Variants in BCAR3 observed in about 807,000 individuals in gnomAD.
The protein encoded by BCAR3 is breast cancer anti-estrogen resistance protein 3.
BCAR3 carries 37 observed loss-of-function variants against 80.1 expected under a neutral mutation model. The ratio of observed to expected loss-of-function variants is 0.46; its 90% CI spans 0.36 to 0.61. The LOEUF is 0.61. Among genes scored for constraint, BCAR3 ranks in the 20% least tolerant of loss-of-function variants. The pLI is 0.00. For missense variants in BCAR3, 978 were observed against 1,068.2 expected, an observed-to-expected ratio of 0.92 and a Z score of 1.18; for synonymous variants, 389 against 418.9, an observed-to-expected ratio of 0.93 and a Z score of 0.87.
chr1:93,607,990 C>T (rs116512492), intron 3 of BCAR3, among the ~76,000 whole-genome samples: 1,949 of 152,254 alleles, frequency 0.013, 27 homozygotes, highest in Non-Finnish European at 0.019. Flanking sequence ...TGGGGAAGGG[C>T]GATGAATCAA....
intron 3 of BCAR3, among the ~76,000 whole-genome samples, chr1:93,627,810 T>C (rs911797401): frequency 2.0e-5 from 3 of 152,174 alleles, no homozygotes; most frequent in African/African-American, 4.8e-5. Flanking sequence ...TAAAAAGTCT[T>C]GAGACAAATG....
chr1:93,582,507 T>C lies in BCAR3; in HGVS notation c.1480A>G (p.Met494Val), dbSNP rs778488596. The part of the protein sequence containing the change: ...ERPWEPAAAQ[M>V]EKGQWDKGEF... ...CCCTTGTCCCACTGCCCCTTCTCCA[T>C]CTGAGCTGCCGCAGGTTCCCAAGGT... Residue 494 changes from methionine to valine, a missense_variant, in exon 7 of 12, where the codon ATG becomes GTG. Transcript: ENST00000260502. 6.2e-7 allele frequency: 1 copy of C among 1,614,096 alleles called. No individual in the cohort carries two copies. The highest frequency in any genetic ancestry group is 1.1e-5 in the South Asian group (1 of 91,074).
At chr1:93,676,165 C>T (rs1648478116) in intron 1 of BCAR3, among the ~76,000 whole-genome samples, 1 of 152,074 alleles carries the variant, frequency 6.6e-6, no homozygotes, top group Admixed American at 6.5e-5. Flanking sequence ...AAGAGCTTTG[C>T]ATGAAAATCC....
At position 93,719,237 on chromosome 1, in the gene BCAR3, A is replaced by G. The variant is rs193138683; in HGVS notation, c.-62-13095T>C. 1.5e-3 allele frequency among the ~76,000 whole-genome samples: 233 copies of G among 151,146 alleles called. 1 individual carries two copies. Among genetic ancestry groups the G allele is most frequent in the African/African-American group, 5.4e-3 (224 of 41,166 alleles). On this transcript the variant is annotated intron_variant, in intron 2 of 13. Transcript: ENST00000370244. ...GGACCCTGCCATTAGCAAATGGTTG[A>G]TGCTCCATGTTGTATGAGGGCCCTC... is the stretch of plus-strand genomic sequence containing the variant.
chr1:93,581,240 G>T (rs1673694704), intron 7 of BCAR3, among the ~76,000 whole-genome samples: 1 of 152,076 alleles, frequency 6.6e-6, no homozygotes, highest in Admixed American at 6.6e-5. Context: ...AAGGTTCAGG[G>T]TTTGGAATAG....
intron 7 of BCAR3, among the ~76,000 whole-genome samples, chr1:93,579,840 G>A (rs958793577): frequency 2.0e-5 from 3 of 152,240 alleles, no homozygotes; most frequent in Admixed American, 1.3e-4. Flanking sequence ...ACATGGTTCT[G>A]CTCTCAGATT....
At chr1:93,670,413 G>A (rs1187283898) in intron 2 of BCAR3, among the ~76,000 whole-genome samples, 15 of 152,168 alleles carry the variant, frequency 9.9e-5, no homozygotes, top group Non-Finnish European at 1.5e-5. Context: ...CAGCAGGCAA[G>A]GCTCCATTCT....
At chr1:93,579,059 G>A (rs1211593606) in intron 7 of BCAR3, among the ~76,000 whole-genome samples, 1 of 152,138 alleles carries the variant, frequency 6.6e-6, no homozygotes, top group Non-Finnish European at 1.5e-5. Flanking sequence ...CGGTGGGAGG[G>A]GCTCAGTGGC....
intron 2 of BCAR3, among the ~76,000 whole-genome samples, chr1:93,741,994 A>C (rs1651197589): frequency 6.6e-6 from 1 of 152,224 alleles, no homozygotes; most frequent in African/African-American, 2.4e-5. Flanking sequence ...ATGGAGTCTT[A>C]ATTTAAATCA....
chr1:93,650,933 A>G (rs953980693), intron 2 of BCAR3, among the ~76,000 whole-genome samples: 13 of 152,210 alleles, frequency 8.5e-5, no homozygotes, highest in African/African-American at 2.7e-4. Flanking sequence ...GGCTACATTG[A>G]CAGAAGATTA....
chr1:93,748,509 T>A lies in BCAR3; in HGVS notation c.-62-42367A>T, dbSNP rs189431711. On this transcript the variant is annotated intron_variant, in intron 2 of 13. Transcript: ENST00000370244. ...TCAGATACTTTGATTATTAATGCCA[T>A]TCCAGACTGGACTTCGATCGGCCAT... 3.4e-3 allele frequency among the ~76,000 whole-genome samples: 512 copies of A among 152,318 alleles called. 1 individual carries two copies. The highest frequency in any genetic ancestry group is 5.4e-3 in the Non-Finnish European group (369 of 68,026).
chr1:93,831,896 GCTC>G (rs774416443), intron 2 of BCAR3, among the ~76,000 whole-genome samples: 4 of 152,142 alleles, frequency 2.6e-5, no homozygotes, highest in Non-Finnish European at 5.9e-5. Context: ...CAAGGTTAAT[GCTC>G]CTTTTACTTT....
At chr1:93,612,869 C>G (rs1186855622) in intron 3 of BCAR3, among the ~76,000 whole-genome samples, 1 of 152,210 alleles carries the variant, frequency 6.6e-6, no homozygotes, top group South Asian at 2.1e-4. Context: ...TACCAGGGAG[C>G]AAAATCAATG....
chr1:93,721,459 C>T (rs1650398800), intron 2 of BCAR3, among the ~76,000 whole-genome samples: 1 of 152,174 alleles, frequency 6.6e-6, no homozygotes, highest in Non-Finnish European at 1.5e-5. Flanking sequence ...ATGCAGGAAG[C>T]ATTCCTCTCT....
chr1:93,567,318 C>T lies in BCAR3; in HGVS notation c.2260G>A (p.Ala754Thr), dbSNP rs754655432. Residue 754 changes from alanine (A) to threonine (T), a missense_variant, in exon 11 of 12, where the codon GCA becomes ACA. Coordinates refer to ENST00000260502, the MANE Select transcript of BCAR3 (RefSeq NM_003567.4). ...TCAGCATTCATCCGGTAGCTGTCTG[C>T]AGCCTCGGCCATGAATCGCGCTGTT... ...LATARFMAEA[A>T]DSYRMNAERI... 5.0e-6 allele frequency: 8 copies of T among 1,614,176 alleles called. No individual in the cohort carries two copies. In the South Asian group the frequency reaches 6.6e-5, roughly 13 times the overall value.
chr1:93,604,219 T>C (rs1674709057), intron 3 of BCAR3, among the ~76,000 whole-genome samples: 1 of 152,202 alleles, frequency 6.6e-6, no homozygotes, highest in Admixed American at 6.5e-5. Flanking sequence ...TGATTTTCCT[T>C]TTCACAGATG....
chr1:93,695,677 A>C (rs776255585), intron 3 of BCAR3, among the ~76,000 whole-genome samples: 4 of 152,126 alleles, frequency 2.6e-5, no homozygotes, highest in Non-Finnish European at 4.4e-5. Flanking sequence ...AAGGCTCTGT[A>C]ATTCTCTGCA....
chr1:93,587,701 C>CAA (rs71586802), intron 5 of BCAR3, among the ~76,000 whole-genome samples: 3,337 of 143,222 alleles, frequency 0.023, 137 homozygotes, highest in African/African-American at 0.079. Context: ...ACCCCCCCGC[C>CAA]AAAAAAAAAA....
At position 93,582,286 on chromosome 1, in the gene BCAR3, A is replaced by AC; in HGVS notation, c.1686+14dup. 1 of 1,603,430 alleles carries AC rather than the reference A, an allele frequency of 6.2e-7. No homozygotes were observed. Among genetic ancestry groups the AC allele is most frequent in the Non-Finnish European group, 8.5e-7 (1 of 1,173,156 alleles). On this transcript the variant is annotated intron_variant, in intron 7 of 11. Coordinates refer to ENST00000260502, the MANE Select transcript of BCAR3 (RefSeq NM_003567.4). ...CTTGAAAAGCCAGAGGAGCACCAGGACCCCCAGCGCTTACCCTGCAGTCCA... is the reference window on the plus strand; with the variant it reads ...CTTGAAAAGCCAGAGGAGCACCAGGACCCCCCAGCGCTTACCCTGCAGTCCA...
Sources: allele counts gnomAD v4.1 joint callset (sites outside exome capture counted in the v4.1 genomes callset), GRCh38; gene constraint gnomAD v4.1.1; transcripts MANE v1.5; gene names NCBI Gene and HGNC (gene_info 2026-07-23, HGNC 2026-07-21).